BRCA1: variants seen among roughly 807,000 people sequenced by gnomAD.
BRCA1 encodes BRCA1 DNA repair associated.
A neutral mutation model predicts 173.7 loss-of-function variants in BRCA1; 140 were observed. The observed-to-expected ratio is 0.81, with a 90% CI of 0.70 to 0.93. BRCA1 has a LOEUF of 0.93. Among genes scored for constraint, BRCA1 ranks in the 40% least tolerant of loss-of-function variants. BRCA1 has a pLI of 0.00. For synonymous variants in BRCA1, 662 were observed against 756.0 expected (o/e 0.88, Z 2.04); for missense variants, 1,983 against 2,172.5 (o/e 0.91, Z 1.73).
At position 43,044,455 on chromosome 17, in the gene BRCA1, A is replaced by G. The variant is rs2050785956; in HGVS notation, c.*1223T>C. 2.0e-6 allele frequency: 1 copy of G among 509,564 alleles called. No homozygotes were observed. The highest frequency in any genetic ancestry group is 1.9e-5 in the African/African-American group (1 of 52,450). The allele number at this position is 509,564 out of a possible 1,614,324, so 31.6% of individuals were successfully genotyped here. On this transcript the variant is annotated 3_prime_UTR_variant, in exon 23 of 23. Coordinates refer to ENST00000357654, the MANE Select transcript of BRCA1 (RefSeq NM_007294.4). ...AACAGTCCTGGATAATGGGTTTATG[A>G]AAAACACTTTTTCTTCCTTCAGCAA... is the stretch of plus-strand genomic sequence containing the variant.
intron 2 of BRCA1, among the ~76,000 whole-genome samples, chr17:43,117,225 T>C (rs1404409563): frequency 6.6e-6 from 1 of 152,100 alleles, no homozygotes; most frequent in African/African-American, 2.4e-5. Context: ...GTGGATCACC[T>C]GAGCTCAGGA....
At chr17:43,058,576 G>A (rs2051613936) in intron 18 of BRCA1, among the ~76,000 whole-genome samples, 1 of 152,092 alleles carries the variant, frequency 6.6e-6, no homozygotes, top group Non-Finnish European at 1.5e-5. Context: ...TCACCTCACT[G>A]GGACTTAATG....
At chr17:43,128,830 T>TC (rs1458607054), upstream of BRCA1, among the ~76,000 whole-genome samples, 1 of 151,894 alleles carries the variant, frequency 6.6e-6, no homozygotes, top group African/African-American at 2.4e-5. Context: ...TTTTTTTTTT[T>TC]TTCGAGACAA....
chr17:43,081,273 T>C (rs1332016345), intron 12 of BRCA1, among the ~76,000 whole-genome samples: 2 of 152,204 alleles, frequency 1.3e-5, no homozygotes, highest in African/African-American at 4.8e-5. Context: ...ATGAAGATAG[T>C]TACAAAGAAA....
At chr17:43,067,399 C>T (rs552502832) in intron 16 of BRCA1, 12 of 435,388 alleles carry the variant, frequency 2.8e-5, no homozygotes, top group South Asian at 1.5e-4. Flanking sequence ...GGACTACAGG[C>T]GCACGCGACC....
intron 16 of BRCA1, among the ~76,000 whole-genome samples, chr17:43,065,047 G>A (rs2052002396): frequency 1.3e-5 from 2 of 151,992 alleles, no homozygotes; most frequent in Non-Finnish European, 2.9e-5. Flanking sequence ...AGCCAGGATG[G>A]TCTCGATCTC....
chr17:43,098,661 C>G (rs1240881238), intron 7 of BRCA1, among the ~76,000 whole-genome samples: 1 of 151,448 alleles, frequency 6.6e-6, no homozygotes, highest in Non-Finnish European at 1.5e-5. Flanking sequence ...GCCACCGCAC[C>G]GGCCAAAAAT....
chr17:43,112,094 CT>C (rs879578679), intron 3 of BRCA1, among the ~76,000 whole-genome samples: 85 of 144,286 alleles, frequency 5.9e-4, no homozygotes, highest in Admixed American at 7.0e-4. Context: ...TTATACTGGA[CT>C]TTTTTTTTTT....
At chr17:43,140,069 T>G in intron 1 of BRCA1, 1 of 372,082 alleles carries the variant, frequency 2.7e-6, no homozygotes. Flanking sequence ...AGCTTAGTGC[T>G]TTCAGCCCCA....
intron 1 of BRCA1, chr17:43,139,866 T>C (rs374408732): frequency 1.5e-5 from 7 of 470,242 alleles, no homozygotes; most frequent in Non-Finnish European, 3.1e-5. Flanking sequence ...ACAAAAGAGA[T>C]GATCTTGTTC....
At chr17:43,061,873 C>G (rs2051775720) in intron 18 of BRCA1, among the ~76,000 whole-genome samples, 1 of 152,164 alleles carries the variant, frequency 6.6e-6, no homozygotes, top group South Asian at 2.1e-4. Flanking sequence ...GCATGAGCCA[C>G]CACGCCTGGC....
At chr17:43,119,586 TG>T (rs2055455924) in intron 2 of BRCA1, among the ~76,000 whole-genome samples, 2 of 152,152 alleles carry the variant, frequency 1.3e-5, no homozygotes, top group Non-Finnish European at 2.9e-5. Flanking sequence ...TGAGATGACT[TG>T]GGAAAAATGC....
Position 43,073,512 on chromosome 17 carries a change from C to T in BRCA1, c.4675+819G>A, listed in dbSNP as rs762074644. The stretch of plus-strand genomic sequence containing the variant: ...TGCCAAACAGTGTCTTTTATGATAA[C>T]GTGTTTTTGAGGATTAAAAACTTTC... On this transcript the variant is annotated intron_variant, in intron 14 of 22. Transcript: ENST00000357654. Among the ~76,000 whole-genome samples the T allele has an allele frequency of 1.4e-4, 22 of 151,956 alleles. No homozygotes were observed. The highest frequency in any genetic ancestry group is 2.1e-4 in the South Asian group (1 of 4,820).
intron 3 of BRCA1, among the ~76,000 whole-genome samples, chr17:43,111,583 A>G (rs556791648): frequency 6.0e-4 from 91 of 152,076 alleles, no homozygotes; most frequent in African/African-American, 2.1e-3. Context: ...GAACTTAGGG[A>G]GGCCAAGGCG....
At chr17:43,079,107 G>A (rs1310986547) in intron 12 of BRCA1, among the ~76,000 whole-genome samples, 1 of 152,092 alleles carries the variant, frequency 6.6e-6, no homozygotes, top group African/African-American at 2.4e-5. Flanking sequence ...GGCTGAGGCG[G>A]ACATTGTAAT....
intron 6 of BRCA1, among the ~76,000 whole-genome samples, chr17:43,102,397 G>A (rs1193325611): frequency 1.7e-5 from 2 of 116,954 alleles, no homozygotes; most frequent in Non-Finnish European, 1.7e-5. Flanking sequence ...TCGCTCTGTC[G>A]CCAGGCTGGA....
At chr17:43,105,008 T>C in intron 4 of BRCA1, 52 bp from the exon 5 acceptor site, 2 of 1,404,942 alleles carry the variant, frequency 1.4e-6, no homozygotes, top group Non-Finnish European at 1.0e-6. Context: ...ATCAACCTTT[T>C]AAGGACACTA....
intron 1 of BRCA1, among the ~76,000 whole-genome samples, chr17:43,157,826 G>T (rs190270998): frequency 7.5e-4 from 114 of 152,038 alleles, no homozygotes; most frequent in Non-Finnish European, 1.5e-3. Context: ...GAGACACCCC[G>T]TCTCTACTAA....
At chr17:43,051,352 C>T (rs1455408588) in intron 19 of BRCA1, among the ~76,000 whole-genome samples, 2 of 152,188 alleles carry the variant, frequency 1.3e-5, no homozygotes, top group Non-Finnish European at 2.9e-5. Flanking sequence ...AGTTGACCTG[C>T]ACTCTACAGG....
Sources: allele counts gnomAD v4.1 joint callset (sites outside exome capture counted in the v4.1 genomes callset), GRCh38; gene constraint gnomAD v4.1.1; transcripts MANE v1.5; gene names NCBI Gene and HGNC (gene_info 2026-07-23, HGNC 2026-07-21).